DOCK3: variants seen among roughly 807,000 people sequenced by gnomAD.
DOCK3 encodes dedicator of cytokinesis protein 3.
In DOCK3, 60 loss-of-function variants were observed where a neutral mutation model predicts 265.6. The observed-to-expected ratio is 0.23, with a 90% CI of 0.18 to 0.28. The LOEUF is 0.28. DOCK3 is among the 10% of genes least tolerant of loss of function. DOCK3 has a pLI of 1.00. For synonymous variants in DOCK3, 881 were observed against 938.0 expected, an observed-to-expected ratio of 0.94 and a Z score of 1.11; for missense variants, 1,981 against 2,594.3, an observed-to-expected ratio of 0.76 and a Z score of 5.14.
At position 50,881,720 on chromosome 3, in the gene DOCK3, C is replaced by T. The variant is rs570327538; in HGVS notation, c.163-8306C>T. ...GTAATTTATAGATTCAATGCTGTCC[C>T]CATCATGTGACCAATGCCTTTCTTC... On this transcript the variant is annotated intron_variant, in intron 3 of 52. Transcript: ENST00000266037. Among the ~76,000 whole-genome samples, 5 of 152,288 alleles carry T rather than the reference C, an allele frequency of 3.3e-5. No homozygotes were observed. The South Asian group carries it at 1.0e-3, about 32-fold the overall frequency.
Position 51,160,803 on chromosome 3 carries a change from G to T in DOCK3, c.1037+101G>T, listed in dbSNP as rs550619795. Reference sequence around the variant, plus strand: ...CTCAAACCTTGTGGACACAGGCCACGCAGTGGCTCACGCCTGTATTCCCAA... The same window carrying T: ...CTCAAACCTTGTGGACACAGGCCACTCAGTGGCTCACGCCTGTATTCCCAA... On this transcript the variant is annotated intron_variant, in intron 12 of 52. Coordinates refer to ENST00000266037, the MANE Select transcript of DOCK3 (RefSeq NM_004947.5). The T allele has an allele frequency of 9.2e-6, 13 of 1,408,806 alleles. No homozygotes were observed. The African/African-American group carries it at 1.4e-4, about 16-fold the overall frequency. 87.3% of individuals were successfully genotyped at this position (1,408,806 alleles called of 1,614,324 possible). A position where few individuals can be genotyped will look rare whatever the true frequency, so the allele number is the denominator to read the frequency against.
intron 22 of DOCK3, among the ~76,000 whole-genome samples, chr3:51,251,246 A>G (rs1452454049): frequency 6.6e-6 from 1 of 152,062 alleles, no homozygotes; most frequent in Non-Finnish European, 1.5e-5. Context: ...TATGTGCCAC[A>G]TTTTCTTAAT....
chr3:50,768,009 T>C (rs1432179029), intron 1 of DOCK3, among the ~76,000 whole-genome samples: 1 of 152,184 alleles, frequency 6.6e-6, no homozygotes, highest in African/African-American at 2.4e-5. Context: ...CTGGAGGAAA[T>C]TTTGGGCTGA....
intron 12 of DOCK3, among the ~76,000 whole-genome samples, chr3:51,187,205 G>A (rs531936571): frequency 5.9e-5 from 9 of 152,366 alleles, no homozygotes; most frequent in African/African-American, 1.2e-4. Flanking sequence ...TTGCATCAGC[G>A]TGACCTGGAT....
At chr3:50,790,290 A>G (rs1027975537) in intron 2 of DOCK3, among the ~76,000 whole-genome samples, 2 of 152,170 alleles carry the variant, frequency 1.3e-5, no homozygotes, top group Admixed American at 1.3e-4. Context: ...TGGAGCATTT[A>G]GGCCATACAT....
intron 1 of DOCK3, among the ~76,000 whole-genome samples, chr3:50,728,933 A>G (rs2038009421): frequency 6.7e-6 from 1 of 149,648 alleles, no homozygotes; most frequent in African/African-American, 2.4e-5. Flanking sequence ...CATGTTGGCC[A>G]TGCTGGTCTC....
intron 2 of DOCK3, among the ~76,000 whole-genome samples, chr3:50,780,867 T>C (rs959175851): frequency 6.6e-6 from 1 of 152,162 alleles, no homozygotes; most frequent in Admixed American, 6.5e-5. Flanking sequence ...CATTCAGGTT[T>C]TTTTTGTTAG....
rs56084027 is a variant in DOCK3 at position 51,281,274 on chromosome 3, A to AATATATATATATATATATAT, written c.2922+1083_2922+1102dup. ...ACACTAACGATAGCTGATGAGCTAA[A>AATATATATATATATATATAT]ATATATATATATATATATATATATA... On this transcript the variant is annotated intron_variant, in intron 27 of 52. Transcript: ENST00000266037. Among the ~76,000 whole-genome samples, 144 of 125,638 alleles carry AATATATATATATATATATAT rather than the reference A, an allele frequency of 1.1e-3. 1 individual carries two copies. Among genetic ancestry groups the AATATATATATATATATATAT allele is most frequent in the African/African-American group, 4.0e-3 (130 of 32,836 alleles). 82.4% of individuals were successfully genotyped at this position (125,638 alleles called of 152,430 possible).
intron 51 of DOCK3, among the ~76,000 whole-genome samples, chr3:51,379,209 G>C (rs1553617627): frequency 6.6e-6 from 1 of 152,182 alleles, no homozygotes; most frequent in Non-Finnish European, 1.5e-5. Flanking sequence ...ATCTCATCCT[G>C]AATACTCTTT....
At chr3:51,337,015 A>T (rs1247630088) in intron 35 of DOCK3, 2 of 406,688 alleles carry the variant, frequency 4.9e-6, no homozygotes, top group Non-Finnish European at 9.9e-6. Context: ...AAAGTCAAGC[A>T]GTTTCCTGGC....
At chr3:50,680,461 G>A (rs1361057230) in intron 1 of DOCK3, among the ~76,000 whole-genome samples, 2 of 146,844 alleles carry the variant, frequency 1.4e-5, no homozygotes, top group Admixed American at 1.4e-4. Context: ...TGATCTGCCC[G>A]TCTTGACCTC....
intron 5 of DOCK3, among the ~76,000 whole-genome samples, chr3:51,018,967 C>A (rs1019408888): frequency 2.0e-5 from 3 of 151,416 alleles, no homozygotes; most frequent in Admixed American, 2.0e-4. Flanking sequence ...ATTTTTAATC[C>A]CAGTGGTGTC....
At chr3:51,033,363 A>G (rs1326501078) in intron 5 of DOCK3, among the ~76,000 whole-genome samples, 4 of 152,154 alleles carry the variant, frequency 2.6e-5, no homozygotes, top group African/African-American at 9.7e-5. Context: ...CCTTAAAACT[A>G]TTGCTATGAC....
intron 3 of DOCK3, among the ~76,000 whole-genome samples, chr3:50,857,158 A>G (rs535131251): frequency 6.6e-6 from 1 of 152,154 alleles, no homozygotes; most frequent in Non-Finnish European, 1.5e-5. Flanking sequence ...TCCTTGCCAG[A>G]TTTTTGTTCT....
At chr3:51,304,612 A>G (rs2082548193) in intron 27 of DOCK3, among the ~76,000 whole-genome samples, 1 of 152,198 alleles carries the variant, frequency 6.6e-6, no homozygotes, top group African/African-American at 2.4e-5. Flanking sequence ...GCCCACAAGT[A>G]GGATCTCCTG....
At chr3:51,318,588 T>C (rs2083499655) in intron 32 of DOCK3, among the ~76,000 whole-genome samples, 1 of 152,170 alleles carries the variant, frequency 6.6e-6, no homozygotes, top group African/African-American at 2.4e-5. Flanking sequence ...TGTTGATTCC[T>C]TGAAAAAATT....
In DOCK3 at chr3:51,060,184, T is replaced by TAC. The variant is rs1259895396; in HGVS notation, c.316-4263_316-4262insCA. On this transcript the variant is annotated intron_variant, in intron 5 of 52. Coordinates refer to ENST00000266037, the MANE Select transcript of DOCK3 (RefSeq NM_004947.5). The stretch of plus-strand genomic sequence containing the variant: ...AAAATAAAATAAGACATCTATTGCA[T>TAC]ATAAAAAAAAAGAAACTGTTCCTGT... Among the ~76,000 whole-genome samples the TAC allele has an allele frequency of 3.2e-4, 9 of 28,374 alleles. No individual in the cohort carries two copies. The East Asian group carries it at 0.015, about 48-fold the overall frequency. 18.6% of individuals were successfully genotyped at this position (28,374 alleles called of 152,430 possible).
chr3:51,225,912 A>G (rs2090308328), intron 15 of DOCK3, 139 bp downstream of exon 15: 1 of 1,171,178 alleles, frequency 8.5e-7, no homozygotes, highest in African/African-American at 1.6e-5. Flanking sequence ...TTCTTTCTTG[A>G]AGAAAACTCT....
At chr3:51,133,890 C>G (rs1426306761) in intron 9 of DOCK3, among the ~76,000 whole-genome samples, 2 of 152,112 alleles carry the variant, frequency 1.3e-5, no homozygotes, top group African/African-American at 4.8e-5. Context: ...GGTACTAAGC[C>G]TAGTACCTAA....
Sources: allele counts gnomAD v4.1 joint callset (sites outside exome capture counted in the v4.1 genomes callset), GRCh38; gene constraint gnomAD v4.1.1; transcripts MANE v1.5; gene names NCBI Gene and HGNC (gene_info 2026-07-23, HGNC 2026-07-21).